The following PTBP2 variants were observed in gnomAD, a reference collection of about 807,000 sequenced individuals.
PTBP2 encodes polypyrimidine tract-binding protein 2.
A neutral mutation model predicts 61.4 loss-of-function variants in PTBP2; 13 were observed. The observed-to-expected ratio is 0.21, with a 90% CI of 0.14 to 0.34. The LOEUF is 0.34. Among genes scored for constraint, PTBP2 ranks in the 10% least tolerant of loss-of-function variants. The pLI is 1.00. For missense variants in PTBP2, 405 were observed against 642.6 expected (o/e 0.63, Z 4.00); for synonymous variants, 215 against 218.5 (o/e 0.98, Z 0.14).
chr1:96,806,597 C>A, intron 10 of PTBP2, 145 bp downstream of exon 10: 2 of 933,378 alleles, frequency 2.1e-6, no homozygotes, highest in Non-Finnish European at 3.2e-6. Context: ...TCCATAGACA[C>A]AAAATTTGTT....
chr1:96,806,978 T>A lies in PTBP2; in HGVS notation c.1171+20T>A. On this transcript the variant is annotated intron_variant, in intron 11 of 13. Coordinates refer to ENST00000674951, the MANE Select transcript of PTBP2 (RefSeq NM_021190.4). ...AACTTGGTAAGATTAAACTATGTTT[T>A]ATCTATACATCTTCACTTCTGCTTT... is the stretch of plus-strand genomic sequence containing the variant. 3.3e-6 allele frequency: 5 copies of A among 1,529,966 alleles called. No homozygotes were observed. Among genetic ancestry groups the A allele is most frequent in the Non-Finnish European group, 4.5e-6 (5 of 1,113,836 alleles). The allele number at this position is 1,529,966 out of a possible 1,614,324, so 94.8% of individuals were successfully genotyped here.
chr1:96,803,278 A>T (rs1661202601), intron 8 of PTBP2, among the ~76,000 whole-genome samples: 1 of 152,068 alleles, frequency 6.6e-6, no homozygotes, highest in African/African-American at 2.4e-5. Context: ...ATGAAACGAG[A>T]TTGGCCATGA....
chr1:96,729,664 T>G (rs1280606191), intron 2 of PTBP2, among the ~76,000 whole-genome samples: 1 of 152,188 alleles, frequency 6.6e-6, no homozygotes, highest in African/African-American at 2.4e-5. Context: ...ATTTGTATCT[T>G]CTGTAGAACT....
chr1:96,745,966 T>A (rs1354499877), intron 2 of PTBP2, among the ~76,000 whole-genome samples: 2 of 151,690 alleles, frequency 1.3e-5, no homozygotes, highest in East Asian at 3.9e-4. Context: ...CTCAGGAGGC[T>A]GAGACAGGAG....
chr1:96,724,775 G>A (rs111909857), intron 2 of PTBP2, among the ~76,000 whole-genome samples: 30,702 of 151,372 alleles, frequency 0.2, 3,322 homozygotes, highest in African/African-American at 0.27. Flanking sequence ...GTTAATGGGT[G>A]CAGCACACCA....
chr1:96,771,021 T>A, intron 5 of PTBP2, 170 bp downstream of exon 5: 1 of 521,098 alleles, frequency 1.9e-6, no homozygotes, highest in Non-Finnish European at 3.2e-6. Flanking sequence ...ACTATGTCAT[T>A]TTGAATTCCT....
At chr1:96,803,022 C>T (rs1661178256) in intron 8 of PTBP2, among the ~76,000 whole-genome samples, 1 of 152,044 alleles carries the variant, frequency 6.6e-6, no homozygotes, top group African/African-American at 2.4e-5. Context: ...GGAATGTATA[C>T]TTGACAACAA....
intron 8 of PTBP2, among the ~76,000 whole-genome samples, chr1:96,798,384 T>C (rs1194750215): frequency 6.6e-6 from 1 of 152,176 alleles, no homozygotes; most frequent in Non-Finnish European, 1.5e-5. Flanking sequence ...CCAGCCTGTG[T>C]GACAGAGTGA....
chr1:96,788,573 T>C (rs955589278), intron 8 of PTBP2, among the ~76,000 whole-genome samples: 2 of 152,076 alleles, frequency 1.3e-5, no homozygotes. Context: ...GGGATTAACT[T>C]CCTGCTCAGT....
intron 2 of PTBP2, chr1:96,751,196 T>C (rs1654491147): frequency 1.7e-6 from 1 of 584,436 alleles, no homozygotes; most frequent in Non-Finnish European, 3.1e-6. Context: ...TTTTTCTATT[T>C]ATTGTCTTTT....
intron 11 of PTBP2, among the ~76,000 whole-genome samples, chr1:96,807,537 C>A (rs1320708258): frequency 1.3e-5 from 2 of 152,164 alleles, no homozygotes; most frequent in African/African-American, 2.4e-5. Flanking sequence ...CTAGAACACA[C>A]CTGCACATTC....
At chr1:96,768,540 T>C (rs550481364) in intron 3 of PTBP2, among the ~76,000 whole-genome samples, 2 of 152,146 alleles carry the variant, frequency 1.3e-5, no homozygotes, top group East Asian at 3.9e-4. Flanking sequence ...GAAATATCCT[T>C]GAGATCCTAA....
chr1:96,756,771 G>A (rs1335225434), intron 3 of PTBP2, among the ~76,000 whole-genome samples: 2 of 152,146 alleles, frequency 1.3e-5, no homozygotes, highest in Non-Finnish European at 2.9e-5. Flanking sequence ...GGTTGCTAGG[G>A]TTTAGGGGTG....
intron 1 of PTBP2, among the ~76,000 whole-genome samples, chr1:96,722,181 C>T (rs983617853): frequency 1.3e-5 from 2 of 151,986 alleles, no homozygotes; most frequent in Non-Finnish European, 2.9e-5. Flanking sequence ...AACGTCTCCC[C>T]GGTCTGTCCC....
chr1:96,788,455 T>G (rs1659439546), intron 8 of PTBP2, among the ~76,000 whole-genome samples: 1 of 152,074 alleles, frequency 6.6e-6, no homozygotes, highest in Non-Finnish European at 1.5e-5. Flanking sequence ...TAAACATTGT[T>G]TATGGTGATA....
At chr1:96,758,651 G>A (rs1655436544) in intron 3 of PTBP2, among the ~76,000 whole-genome samples, 1 of 152,072 alleles carries the variant, frequency 6.6e-6, no homozygotes, top group Non-Finnish European at 1.5e-5. Flanking sequence ...AGAAAACTAG[G>A]AAGAGAAGGA....
chr1:96,733,973 G>T (rs1441467965), intron 2 of PTBP2, among the ~76,000 whole-genome samples: 1 of 152,070 alleles, frequency 6.6e-6, no homozygotes, highest in Non-Finnish European at 1.5e-5. Flanking sequence ...TAGTCTCTTG[G>T]TCTACGTGTG....
chr1:96,801,815 C>G lies in PTBP2; in HGVS notation c.905-2985C>G, dbSNP rs541869645. On this transcript the variant is annotated intron_variant, in intron 8 of 13. Transcript: ENST00000674951. ...GGTGGAGGTTGCAGTGAGCCAAAAT[C>G]TCGCCATTACACTCCAGCCTGGGGG... Among the ~76,000 whole-genome samples the G allele has an allele frequency of 1.6e-4, 24 of 148,926 alleles. No individual in the cohort carries two copies. The East Asian group carries it at 4.6e-3, about 29-fold the overall frequency.
At chr1:96,740,790 T>C (rs1308094002) in intron 2 of PTBP2, among the ~76,000 whole-genome samples, 1 of 151,996 alleles carries the variant, frequency 6.6e-6, no homozygotes, top group Non-Finnish European at 1.5e-5. Flanking sequence ...TAAGTTTATA[T>C]ATATATATAT....
Sources: allele counts gnomAD v4.1 joint callset (sites outside exome capture counted in the v4.1 genomes callset), GRCh38; gene constraint gnomAD v4.1.1; transcripts MANE v1.5; gene names NCBI Gene and HGNC (gene_info 2026-07-23, HGNC 2026-07-21).